Variants in SRCIN1 observed in about 807,000 individuals in gnomAD.
SRCIN1 encodes the protein SRC kinase signaling inhibitor 1.
Under a neutral mutation model 116.2 loss-of-function variants are expected in SRCIN1, and 50 were observed. The observed-to-expected ratio is 0.43, with a 90% CI of 0.34 to 0.54. The LOEUF (loss-of-function observed/expected upper bound fraction) is 0.54, where lower values mean the gene tolerates loss of function less well. Ranked by LOEUF, SRCIN1 falls within the 20% of genes least tolerant of loss-of-function variation. The pLI is 0.02. For missense variants in SRCIN1, 1,446 were observed against 1,672.0 expected (o/e 0.86, Z 2.36); for synonymous variants, 736 against 750.0 (o/e 0.98, Z 0.30).
Position 38,548,569 on chromosome 17 carries a change from G to A in SRCIN1, c.3258C>T (p.Ile1086=), listed in dbSNP as rs745505032. The part of the protein sequence containing the change: ...IKDEDDEDRI[I]AELESGGGSV... ...TGCCCTGACCTACCTCTAGCTCTGC[G>A]ATGATGCGATCCTCGTCATCCTCGT... is the stretch of plus-strand genomic sequence containing the variant. The change falls in exon 17 of 19, where the codon ATC becomes ATT. Residue 1086 remains isoleucine, a synonymous_variant. Transcript: ENST00000617146. 11 of 1,611,660 alleles carry A rather than the reference G, an allele frequency of 6.8e-6. No homozygotes were observed. Among genetic ancestry groups the A allele is most frequent in the African/African-American group, 5.3e-5 (4 of 74,896 alleles).
At chr17:38,581,948 G>A (rs950813296) in intron 1 of SRCIN1, among the ~76,000 whole-genome samples, 1 of 152,188 alleles carries the variant, frequency 6.6e-6, no homozygotes. Flanking sequence ...GCAGCCCATT[G>A]GGTACAAGTG....
intron 9 of SRCIN1, 38 bp downstream of exon 9, chr17:38,560,016 G>T (rs778261229): frequency 3.0e-5 from 45 of 1,505,282 alleles, no homozygotes; most frequent in Admixed American, 1.8e-4. Flanking sequence ...AAACAGGCTC[G>T]GAGAGAACAA....
Position 38,564,423 on chromosome 17 carries a change from C to T in SRCIN1, c.346-110G>A, listed in dbSNP as rs901838355. On this transcript the variant is annotated intron_variant, in intron 3 of 18. Transcript: ENST00000617146. ...GAAGGTCCTGCCAGCCAGCGACACC[C>T]ACACAGATTACAGACTCCCACACAG... 7.5e-5 allele frequency: 87 copies of T among 1,157,136 alleles called. No homozygotes were observed. In the African/African-American group the frequency reaches 1.1e-3, roughly 15 times the overall value. 71.7% of individuals were successfully genotyped at this position (1,157,136 alleles called of 1,614,324 possible).
intron 2 of SRCIN1, 21 bp downstream of exon 2, chr17:38,578,469 C>T (rs1311044231): frequency 6.4e-7 from 1 of 1,554,094 alleles, no homozygotes; most frequent in South Asian, 1.2e-5. Flanking sequence ...CAGCCGCAGC[C>T]GCAGCCGGGA....
At chr17:38,539,796 G>T (rs193297741) in intron 18 of SRCIN1, among the ~76,000 whole-genome samples, 1 of 151,906 alleles carries the variant, frequency 6.6e-6, no homozygotes, top group Admixed American at 6.6e-5. Flanking sequence ...TGAGGCAGGC[G>T]GATCACTTGA....
chr17:38,574,883 G>A (rs761120331), intron 2 of SRCIN1: 28 of 400,982 alleles, frequency 7.0e-5, no homozygotes, highest in Admixed American at 1.3e-4. Flanking sequence ...CACCTGGGCC[G>A]GCTGGCCAGC....
rs752920189 is a variant in SRCIN1 at position 38,549,073 on chromosome 17, CCTT to C, written c.3097_3099del (p.Lys1033del). On this transcript the variant is annotated inframe_deletion, in exon 16 of 19. Transcript: ENST00000617146. ...AGTGGTACCTTGATGAAGGCCGAGT[CCTT>C]CTTGCTGGTGACCACCACCTCTCCG... 7 of 1,613,218 alleles carry C rather than the reference CCTT, an allele frequency of 4.3e-6. No individual in the cohort carries two copies. Among genetic ancestry groups the C allele is most frequent in the Non-Finnish European group, 5.9e-6 (7 of 1,179,704 alleles).
At chr17:38,606,616 C>T (rs1909381816), upstream of SRCIN1, among the ~76,000 whole-genome samples, 1 of 152,184 alleles carries the variant, frequency 6.6e-6, no homozygotes, top group African/African-American at 2.4e-5. This position sits in a 1 kb window ranked among gnomAD's most constrained non-coding sequence, Gnocchi z 5.2. Flanking sequence ...GCCAGTGAGA[C>T]CCCACCGTAG....
chr17:38,552,256 G>A lies in SRCIN1; in HGVS notation c.2481-124C>T, dbSNP rs767376852. ...GGGATGCTGTGGGAGGGCCTGGGGAGGAGTGACTGCCCCTGGTATAAGAGG... is the reference window on the plus strand; with the variant it reads ...GGGATGCTGTGGGAGGGCCTGGGGAAGAGTGACTGCCCCTGGTATAAGAGG... On this transcript the variant is annotated intron_variant, in intron 13 of 18. Transcript: ENST00000617146. This position sits in a 1 kb window ranked among gnomAD's most constrained non-coding sequence, Gnocchi z 5.3. The A allele has an allele frequency of 6.9e-7, 1 of 1,456,632 alleles. No individual in the cohort carries two copies. Among genetic ancestry groups the A allele is most frequent in the Non-Finnish European group, 9.2e-7 (1 of 1,084,736 alleles). 90.2% of individuals were successfully genotyped at this position (1,456,632 alleles called of 1,614,324 possible). A position where few individuals can be genotyped will look rare whatever the true frequency, so the allele number is the denominator to read the frequency against.
chr17:38,538,323 AG>A (rs1359450410), intron 18 of SRCIN1, among the ~76,000 whole-genome samples: 8 of 149,710 alleles, frequency 5.3e-5, no homozygotes, highest in Non-Finnish European at 1.2e-4. Flanking sequence ...AGGCTGAGGC[AG>A]GAGAATCACT....
chr17:38,558,373 C>T lies in SRCIN1; in HGVS notation c.2055G>A (p.Leu685=), dbSNP rs576897529. The change falls in exon 11 of 19, where the codon CTG becomes CTA. Residue 685 remains leucine (L), a synonymous_variant. Transcript: ENST00000617146. The surrounding 1 kb of genome is among the most constrained non-coding windows in gnomAD (Gnocchi z 4.6). ...QLQNQESVRA[L]LKRTEAELSM... Reference sequence around the variant, plus strand: ...TCAGCTCTGCCTCCGTGCGCTTCAGCAGCGCGCGCACCGACTCCTGGTTCT... The same window carrying T: ...TCAGCTCTGCCTCCGTGCGCTTCAGTAGCGCGCGCACCGACTCCTGGTTCT... The T allele has an allele frequency of 2.4e-5, 38 of 1,605,472 alleles. No homozygotes were observed. The South Asian group carries it at 2.5e-4, about 11-fold the overall frequency.
Position 38,561,744 on chromosome 17 carries a change from C to G in SRCIN1, c.1419G>C (p.Ser473=). The change falls in exon 7 of 19, where the codon TCG becomes TCC. Residue 473 remains serine (S), a synonymous_variant. Coordinates refer to ENST00000617146, the MANE Select transcript of SRCIN1 (RefSeq NM_025248.3). The stretch of plus-strand genomic sequence containing the variant: ...CCACGTCGGCCAGCTTCTGCGGTGA[C>G]GAAGGCGGCAGGCGGAAGCCGTAGC... The part of the protein sequence containing the change: ...GDGYGFRLPP[S]SPQKLADVAA... The G allele has an allele frequency of 6.6e-7, 1 of 1,516,172 alleles. No individual in the cohort carries two copies. The highest frequency in any genetic ancestry group is 8.8e-7 in the Non-Finnish European group (1 of 1,137,948). 93.9% of individuals were successfully genotyped at this position (1,516,172 alleles called of 1,614,324 possible).
Position 38,593,562 on chromosome 17 carries a change from C to G in SRCIN1, c.22+12122G>C, listed in dbSNP as rs531065341. 1.8e-4 allele frequency among the ~76,000 whole-genome samples: 27 copies of G among 152,242 alleles called. 1 individual carries two copies. Among genetic ancestry groups the G allele is most frequent in the Middle Eastern group, 3.4e-3 (1 of 294 alleles). ...ACCCCTCAGGTCTGTCGTCTCTTCC[C>G]CCACAAAACAGTCAGCAGCAGTGAG... On this transcript the variant is annotated intron_variant, in intron 1 of 18. Coordinates refer to ENST00000617146, the MANE Select transcript of SRCIN1 (RefSeq NM_025248.3).
chr17:38,588,544 C>T (rs866475803), intron 1 of SRCIN1, among the ~76,000 whole-genome samples: 36 of 143,052 alleles, frequency 2.5e-4, no homozygotes, highest in Non-Finnish European at 3.5e-4. Context: ...GGAGGAAGGC[C>T]GGTGCCTGTC....
At chr17:38,542,889 A>C (rs1368192199) in intron 18 of SRCIN1, 2 of 345,274 alleles carry the variant, frequency 5.8e-6, no homozygotes, top group Non-Finnish European at 1.2e-5. Context: ...CTTGCCTCTG[A>C]GTCTAGAACC....
chr17:38,568,733 C>T lies in SRCIN1; in HGVS notation c.325-502G>A, dbSNP rs1314735549. Among the ~76,000 whole-genome samples, 1 of 152,048 alleles carries T rather than the reference C, an allele frequency of 6.6e-6. No individual in the cohort carries two copies. The highest frequency in any genetic ancestry group is 6.6e-5 in the Admixed American group (1 of 15,262). On this transcript the variant is annotated intron_variant, in intron 2 of 18. Transcript: ENST00000617146. The surrounding 1 kb of genome is among the most constrained non-coding windows in gnomAD (Gnocchi z 4.5). ...TCACTAGTCCACATTGGCTGGGGCG[C>T]AGCTGGGAAAGTAGCAGATTAGGCT...
chr17:38,583,501 C>A (rs941435382), intron 1 of SRCIN1, among the ~76,000 whole-genome samples: 3 of 151,376 alleles, frequency 2.0e-5, no homozygotes, highest in Non-Finnish European at 4.4e-5. Flanking sequence ...GAGAGGCTGG[C>A]AAGACAATGG....
In SRCIN1 at chr17:38,569,270, C is replaced by T. The variant is rs56024235; in HGVS notation, c.325-1039G>A. ...TACAAGGAAAGAGCTGCCCTGGGGCCGGGTTGGTTCTTGGCAAAGCCAAGG... is the reference window on the plus strand; with the variant it reads ...TACAAGGAAAGAGCTGCCCTGGGGCTGGGTTGGTTCTTGGCAAAGCCAAGG... On this transcript the variant is annotated intron_variant, in intron 2 of 18. Coordinates refer to ENST00000617146, the MANE Select transcript of SRCIN1 (RefSeq NM_025248.3). Among the ~76,000 whole-genome samples the T allele has an allele frequency of 2.4e-3, 365 of 152,322 alleles. 1 individual carries two copies. The highest frequency in any genetic ancestry group is 8.3e-3 in the South Asian group (40 of 4,828).
chr17:38,547,814 A>G, intron 17 of SRCIN1: 2 of 220,608 alleles, frequency 9.1e-6, no homozygotes, highest in South Asian at 3.8e-5. Flanking sequence ...CTGGGGGGAC[A>G]GCAAGGTGGG....
Sources: gnomAD v4.1 joint callset for allele counts (sites outside exome capture counted in the v4.1 genomes callset) on GRCh38, gnomAD v4.1.1 for gene constraint, Gnocchi (gnomAD v3.1) non-coding constraint, MANE v1.5 for transcripts, NCBI Gene and HGNC (gene_info 2026-07-23, HGNC 2026-07-21) for gene names.